Variants in NTRK3 observed in about 807,000 individuals in gnomAD.
The protein encoded by NTRK3 is NT-3 growth factor receptor.
In NTRK3, 24 loss-of-function variants were observed where a neutral mutation model predicts 91.7. The observed-to-expected ratio is 0.26, with a 90% confidence interval of 0.19 to 0.37. NTRK3 has a LOEUF of 0.37. Ranked by LOEUF, NTRK3 falls within the 10% of genes least tolerant of loss-of-function variation. The probability of loss-of-function intolerance (pLI) is 1.00; values close to 1 mark genes in which losing one functional copy is unlikely to be tolerated. For missense variants in NTRK3, 880 were observed against 1,068.9 expected, an observed-to-expected ratio of 0.82 and a Z score of 2.46; for synonymous variants, 483 against 404.0, an observed-to-expected ratio of 1.20 and a Z score of -2.34.
chr15:87,866,320 A>G (rs1189264459), exon 19 of NTRK3: 1 of 187,824 alleles, frequency 5.3e-6, no homozygotes, highest in African/African-American at 2.3e-5. Context: ...AAAGAAATAA[A>G]AGTGAAAAAA....
At chr15:88,101,313 T>C (rs531869328) in intron 13 of NTRK3, among the ~76,000 whole-genome samples, 1 of 152,228 alleles carries the variant, frequency 6.6e-6, no homozygotes, top group African/African-American at 2.4e-5. Context: ...AAAACCACAA[T>C]GAGATGCCAT....
chr15:88,015,128 C>G (rs2077137613), intron 14 of NTRK3, among the ~76,000 whole-genome samples: 1 of 152,194 alleles, frequency 6.6e-6, no homozygotes, highest in Non-Finnish European at 1.5e-5. Context: ...GGAACTGTCC[C>G]TAAATTCAGA....
chr15:88,006,008 C>A (rs1178398132), intron 14 of NTRK3, among the ~76,000 whole-genome samples: 1 of 152,138 alleles, frequency 6.6e-6, no homozygotes, highest in East Asian at 1.9e-4. Flanking sequence ...ACAGCCCTTC[C>A]CAAACTTATT....
At chr15:87,991,468 G>A (rs2075283421) in intron 14 of NTRK3, among the ~76,000 whole-genome samples, 2 of 152,124 alleles carry the variant, frequency 1.3e-5, no homozygotes, top group Admixed American at 1.3e-4. Context: ...CATCTCCTGT[G>A]CGGTGACTTC....
chr15:87,937,182 G>A (rs112342315), intron 15 of NTRK3, among the ~76,000 whole-genome samples: 1,546 of 152,304 alleles, frequency 0.01, 30 homozygotes, highest in African/African-American at 0.035. Context: ...TGGATACCCA[G>A]GGAGATACTA....
At chr15:87,986,512 T>C (rs1243040517) in intron 14 of NTRK3, among the ~76,000 whole-genome samples, 2 of 152,222 alleles carry the variant, frequency 1.3e-5, no homozygotes, top group Non-Finnish European at 2.9e-5. Flanking sequence ...TTTTGCTGCA[T>C]ATGCATATAT....
rs556904276 is a variant in NTRK3, at chr15:87,979,940, G to A, written c.1586-39187C>T. 9.2e-5 allele frequency among the ~76,000 whole-genome samples: 14 copies of A among 152,216 alleles called. No homozygotes were observed. The South Asian group carries it at 2.9e-3, about 32-fold the overall frequency. On this transcript the variant is annotated intron_variant, in intron 14 of 18. Transcript: ENST00000394480. ...ACCAGAGGGGCATTTCTAATTCTAG[G>A]AGCTAAAATTACACAGACCACTTCT...
At chr15:88,197,126 A>AAAAAC (rs1567627808) in intron 3 of NTRK3, among the ~76,000 whole-genome samples, 1 of 146,654 alleles carries the variant, frequency 6.8e-6, no homozygotes, top group African/African-American at 2.6e-5. Flanking sequence ...AAAAAAAAAA[A>AAAAAC]ACCTCTGTGA....
chr15:88,212,226 T>A (rs1171492997), intron 3 of NTRK3, among the ~76,000 whole-genome samples: 3 of 151,992 alleles, frequency 2.0e-5, no homozygotes, highest in Non-Finnish European at 4.4e-5. Context: ...AAAAATTAGC[T>A]GGGCATGGTG....
At chr15:87,942,836 CTG>C (rs2070026050) in intron 14 of NTRK3, among the ~76,000 whole-genome samples, 1 of 152,164 alleles carries the variant, frequency 6.6e-6, no homozygotes, top group South Asian at 2.1e-4. Context: ...AAAATGTAGG[CTG>C]TGTTTTGGCA....
intron 17 of NTRK3, among the ~76,000 whole-genome samples, chr15:87,922,032 A>C (rs2067916248): frequency 6.6e-6 from 1 of 152,192 alleles, no homozygotes. Context: ...GAGAGGTACC[A>C]CTTATTAAAT....
intron 3 of NTRK3, among the ~76,000 whole-genome samples, chr15:88,209,327 T>C (rs750006378): frequency 1.1e-4 from 17 of 152,112 alleles, no homozygotes; most frequent in African/African-American, 1.7e-4. Context: ...ACTGCCGCCA[T>C]GGGTTGATAA....
At chr15:88,064,249 C>T (rs1049131189) in intron 13 of NTRK3, among the ~76,000 whole-genome samples, 1 of 152,212 alleles carries the variant, frequency 6.6e-6, no homozygotes, top group African/African-American at 2.4e-5. Context: ...CTTTAAACTC[C>T]TAGCCTTCAA....
At chr15:88,242,846 C>T (rs937402456) in intron 3 of NTRK3, among the ~76,000 whole-genome samples, 2 of 152,234 alleles carry the variant, frequency 1.3e-5, no homozygotes, top group African/African-American at 4.8e-5. Flanking sequence ...AGATGCAGCT[C>T]AGCATTCACT....
At chr15:88,030,638 T>C (rs773161408) in intron 14 of NTRK3, among the ~76,000 whole-genome samples, 1 of 152,174 alleles carries the variant, frequency 6.6e-6, no homozygotes, top group African/African-American at 2.4e-5. Flanking sequence ...AAAATTTATG[T>C]GCAGTGCCAA....
chr15:88,239,149 G>A (rs966752817), intron 3 of NTRK3, among the ~76,000 whole-genome samples: 4 of 152,202 alleles, frequency 2.6e-5, no homozygotes, highest in African/African-American at 9.7e-5. Context: ...CTCAAAGGTG[G>A]GACTGGAGTG....
intron 13 of NTRK3, among the ~76,000 whole-genome samples, chr15:88,073,511 A>G (rs1242034896): frequency 6.6e-6 from 1 of 152,172 alleles, no homozygotes; most frequent in Non-Finnish European, 1.5e-5. Context: ...CTGGACAACC[A>G]TGGGCCAGTT....
chr15:88,139,203 T>G (rs919319815), intron 6 of NTRK3, among the ~76,000 whole-genome samples: 1 of 152,132 alleles, frequency 6.6e-6, no homozygotes, highest in East Asian at 1.9e-4. Context: ...CCTTATGACT[T>G]GAAGCAAGTC....
intron 14 of NTRK3, among the ~76,000 whole-genome samples, chr15:87,954,851 C>T (rs369272670): frequency 1.3e-5 from 2 of 152,196 alleles, no homozygotes; most frequent in South Asian, 2.1e-4. Flanking sequence ...CCCATAAATT[C>T]CCTGACAGCC....
Sources: gnomAD v4.1 joint callset for allele counts (sites outside exome capture counted in the v4.1 genomes callset) on GRCh38, gnomAD v4.1.1 for gene constraint, MANE v1.5 for transcripts, NCBI Gene and HGNC (gene_info 2026-07-23, HGNC 2026-07-21) for gene names.